Variants in C1orf35 observed in about 807,000 individuals in gnomAD.
The protein encoded by C1orf35 is chromosome 1 open reading frame 35, also known as multiple myeloma tumor-associated protein 2.
C1orf35 carries 36 observed loss-of-function variants against 30.9 expected under a neutral mutation model. That is an observed-to-expected ratio of 1.16 (90% confidence interval 0.89 to 1.54). C1orf35 has a LOEUF of 1.54. Ranked by LOEUF, C1orf35 falls within the 40% of genes most tolerant of loss-of-function variation. C1orf35 has a pLI of 0.00. For missense variants in C1orf35, 396 were observed against 358.7 expected (o/e 1.10, Z -0.84); for synonymous variants, 179 against 148.2 (o/e 1.21, Z -1.51).
In C1orf35 at chr1:228,103,149, G is replaced by T; in HGVS notation, c.79C>A (p.Arg27=). 6.2e-7 allele frequency: 1 copy of T among 1,611,286 alleles called. No homozygotes were observed. The highest frequency in any genetic ancestry group is 8.5e-7 in the Non-Finnish European group (1 of 1,179,298). Reference sequence around the variant, plus strand: ...GCGCACCCACCCAGGTAGTTCTCCCGCTGCTTGTCAGTCTTCACGTCCTCC... The same window carrying T: ...GCGCACCCACCCAGGTAGTTCTCCCTCTGCTTGTCAGTCTTCACGTCCTCC... ...NWEDVKTDKQ[R]ENYLGNSLMA... Residue 27 remains arginine (R), a synonymous_variant, in exon 1 of 8, where the codon CGG becomes AGG. Transcript: ENST00000272139.
At chr1:228,101,664 A>G (rs2032949705) in intron 6 of C1orf35, 191 bp from the exon 7 acceptor site, 1 of 1,444,748 alleles carries the variant, frequency 6.9e-7, no homozygotes, top group Non-Finnish European at 9.1e-7. Flanking sequence ...AAACAGATGC[A>G]ATATCCCCAT....
intron 1 of C1orf35, 26 bp from the exon 2 acceptor site, chr1:228,103,075 A>G (rs751775645): frequency 2.5e-6 from 4 of 1,605,614 alleles, no homozygotes; most frequent in Non-Finnish European, 2.5e-6. Flanking sequence ...CTGTGAGTCC[A>G]GCGCCCGCCC....
At chr1:228,101,646 T>G in intron 6 of C1orf35, 173 bp from the exon 7 acceptor site, 1 of 1,464,380 alleles carries the variant, frequency 6.8e-7, no homozygotes, top group Non-Finnish European at 9.0e-7. Context: ...AGTGGCTACG[T>G]GGGTTAGAAA....
chr1:228,102,304 G>A lies in C1orf35; in HGVS notation c.447+6C>T. ...CCTGCTGCGGTCAGGCGGGGCGGGG[G>A]ATTACCGTGAACACAGACAGCCCCA... On this transcript the variant is annotated splice_donor_region_variant and intron_variant, in intron 5 of 7. Transcript: ENST00000272139. 3.7e-6 allele frequency: 6 copies of A among 1,610,842 alleles called. No individual in the cohort carries two copies. Among genetic ancestry groups the A allele is most frequent in the African/African-American group, 1.3e-5 (1 of 74,970 alleles).
chr1:228,101,204 C>T lies in C1orf35; in HGVS notation c.719G>A (p.Arg240Lys), dbSNP rs770255929. The T allele has an allele frequency of 1.5e-5, 24 of 1,614,198 alleles. No individual in the cohort carries two copies. Among genetic ancestry groups the T allele is most frequent in the Non-Finnish European group, 1.9e-5 (23 of 1,180,048 alleles). The change falls in exon 8 of 8, where the codon AGG becomes AAG. Residue 240 changes from arginine to lysine, a missense_variant. Coordinates refer to ENST00000272139, the MANE Select transcript of C1orf35 (RefSeq NM_024319.4). ...GTCCCCACTGTGTCCCCGCTTCCTCCTCTTACAGCAGGGGGAGTTGGAGTC... is the reference window on the plus strand; with the variant it reads ...GTCCCCACTGTGTCCCCGCTTCCTCTTCTTACAGCAGGGGGAGTTGGAGTC... ...DSDSNSPCCK[R>K]RKRGHSGDRR...
intron 6 of C1orf35, 40 bp from the exon 7 acceptor site, chr1:228,101,513 T>A: frequency 6.2e-7 from 1 of 1,605,950 alleles, no homozygotes; most frequent in African/African-American, 1.3e-5. Flanking sequence ...ACCCTAGTCT[T>A]GCAAGCCAAG....
In C1orf35 at chr1:228,102,508, A is replaced by G; in HGVS notation, c.344T>C (p.Val115Ala). Residue 115 changes from valine (V) to alanine (A), a missense_variant, in exon 4 of 8, where the codon GTG becomes GCG. Transcript: ENST00000272139. Reference protein sequence around the residue: ...REGGDPEEKGVDRLLGLGSAS... With the variant: ...REGGDPEEKGADRLLGLGSAS... ...GCTCCCCAGCCCCAGCAGCCGGTCCACGCCCTTCTCCTCGGGGTCGCCTCC... is the reference window on the plus strand; with the variant it reads ...GCTCCCCAGCCCCAGCAGCCGGTCCGCGCCCTTCTCCTCGGGGTCGCCTCC... 1 of 1,558,004 alleles carries G rather than the reference A, an allele frequency of 6.4e-7. No homozygotes were observed. The highest frequency in any genetic ancestry group is 1.2e-5 in the South Asian group (1 of 85,312).
intron 6 of C1orf35, 33 bp from the exon 7 acceptor site, chr1:228,101,506 C>T (rs2032945988): frequency 6.2e-7 from 1 of 1,607,360 alleles, no homozygotes; most frequent in Admixed American, 1.7e-5. Flanking sequence ...GCCTCAGACC[C>T]TAGTCTTGCA....
Position 228,101,133 on chromosome 1 carries a change from A to G in C1orf35, c.790T>C (p.Ter264ArgextTer51), listed in dbSNP as rs770334044. 5 of 1,613,036 alleles carry G rather than the reference A, an allele frequency of 3.1e-6. No individual in the cohort carries two copies. Among genetic ancestry groups the G allele is most frequent in the Non-Finnish European group, 3.4e-6 (4 of 1,180,054 alleles). ...CAGCAGTGAGCAGGGTCCAGCCATC[A>G]GGCCTCAGAGCCTCTGTCATGCCAC... is the stretch of plus-strand genomic sequence containing the variant. ...RRWHDRGSEA* is the reference protein window; with the variant it reads ...RRWHDRGSEAR Residue 264 changes from the stop codon to arginine, a stop_lost, in exon 8 of 8, where the codon TGA (stop) becomes CGA (arginine). Transcript: ENST00000272139.
At chr1:228,101,943 C>T (rs2032976462) in intron 6 of C1orf35, 137 bp downstream of exon 6, 2 of 1,426,718 alleles carry the variant, frequency 1.4e-6, no homozygotes, top group African/African-American at 2.9e-5. Context: ...GTAACTGGGA[C>T]AGGAAGTAAA....
Position 228,103,186 on chromosome 1 carries a change from G to T in C1orf35, c.42C>A (p.Asp14Glu). Residue 14 changes from aspartate to glutamate, a missense_variant, in exon 1 of 8, where the codon GAC (aspartate) becomes GAA (glutamate). Transcript: ENST00000272139. ...SSRGGVRGGQ[D>E]QFNWEDVKTD... The stretch of plus-strand genomic sequence containing the variant: ...TCTTCACGTCCTCCCAGTTGAACTG[G>T]TCCTGCCCGCCGCGCACGCCTCCAC... 6.2e-7 allele frequency: 1 copy of T among 1,611,938 alleles called. No homozygotes were observed. The highest frequency in any genetic ancestry group is 8.5e-7 in the Non-Finnish European group (1 of 1,179,526).
rs537899957 is a variant in C1orf35 at position 228,103,239 on chromosome 1, G to C, written c.-12C>G. On this transcript the variant is annotated 5_prime_UTR_variant, in exon 1 of 8. Coordinates refer to ENST00000272139, the MANE Select transcript of C1orf35 (RefSeq NM_024319.4). ...CTGGAGCCGAACATGGCGCCGGGAA[G>C]GCAGTTGCCTGGGGCCTGCGGCTTG... The C allele has an allele frequency of 6.2e-7, 1 of 1,608,750 alleles. No individual in the cohort carries two copies. Among genetic ancestry groups the C allele is most frequent in the Non-Finnish European group, 8.5e-7 (1 of 1,178,604 alleles).
At position 228,102,514 on chromosome 1, in the gene C1orf35, T is replaced by C. The variant is rs1472802934; in HGVS notation, c.338A>G (p.Lys113Arg). 7 of 1,558,258 alleles carry C rather than the reference T, an allele frequency of 4.5e-6. No homozygotes were observed. The highest frequency in any genetic ancestry group is 5.2e-6 in the Non-Finnish European group (6 of 1,154,860). Residue 113 changes from lysine (K) to arginine (R), a missense_variant, in exon 4 of 8, where the codon AAG becomes AGG. Coordinates refer to ENST00000272139, the MANE Select transcript of C1orf35 (RefSeq NM_024319.4). ...CKREGGDPEE[K>R]GVDRLLGLGS... Reference sequence around the variant, plus strand: ...CAGCCCCAGCAGCCGGTCCACGCCCTTCTCCTCGGGGTCGCCTCCTTCCCG... The same window carrying C: ...CAGCCCCAGCAGCCGGTCCACGCCCCTCTCCTCGGGGTCGCCTCCTTCCCG...
At chr1:228,103,109 G>GAGCCCGC in intron 1 of C1orf35, 25 bp downstream of exon 1, 1 of 1,608,708 alleles carries the variant, frequency 6.2e-7, no homozygotes. Context: ...CCGGAGCCCG[G>GAGCCCGC]AGCCCGCCCA....
chr1:228,102,046 C>CG (rs2032980638), intron 6 of C1orf35, 34 bp downstream of exon 6: 1 of 1,511,310 alleles, frequency 6.6e-7, no homozygotes, highest in African/African-American at 1.4e-5. Flanking sequence ...CCCCCCACCC[C>CG]GGGGCACAGC....
rs1325764132 is a variant in C1orf35, at chr1:228,102,700, C to A, written c.246-12G>T. The A allele has an allele frequency of 3.1e-6, 5 of 1,604,120 alleles. No homozygotes were observed. In the East Asian group the frequency reaches 1.1e-4, roughly 36 times the overall value. ...CGTTCTTGTAGCCACTGCGAGAGGG[C>A]CGGGGCAGGCGTCAGGACGGACGGA... On this transcript the variant is annotated splice_polypyrimidine_tract_variant and intron_variant, in intron 2 of 7. Coordinates refer to ENST00000272139, the MANE Select transcript of C1orf35 (RefSeq NM_024319.4).
intron 5 of C1orf35, 39 bp downstream of exon 5, chr1:228,102,271 T>A (rs779475958): frequency 6.2e-7 from 1 of 1,601,974 alleles, no homozygotes; most frequent in Non-Finnish European, 8.5e-7. Flanking sequence ...GCCCCACCCC[T>A]GTTAGCCCCT....
At chr1:228,103,083 C>CCCGGGATCCCGGAGCCCGGAG (rs2033020552) in intron 1 of C1orf35, 34 bp from the exon 2 acceptor site, 1 of 1,605,570 alleles carries the variant, frequency 6.2e-7, no homozygotes, top group Non-Finnish European at 8.5e-7. Flanking sequence ...CCAGCGCCCG[C>CCCGGGATCCCGGAGCCCGGAG]CCGGGATCCC....
In C1orf35 at chr1:228,102,632, C is replaced by T. The variant is rs760706045; in HGVS notation, c.291+11G>A. On this transcript the variant is annotated intron_variant, in intron 3 of 7. Transcript: ENST00000272139. Reference sequence around the variant, plus strand: ...ACGGCCCTCCACGCGCCCCCCACCCCGGGGAGTTACCTCCTTGCTCAGGCC... The same window carrying T: ...ACGGCCCTCCACGCGCCCCCCACCCTGGGGAGTTACCTCCTTGCTCAGGCC... The T allele has an allele frequency of 6.2e-7, 1 of 1,601,144 alleles. No individual in the cohort carries two copies. Among genetic ancestry groups the T allele is most frequent in the Non-Finnish European group, 8.5e-7 (1 of 1,175,746 alleles).
Sources: allele counts gnomAD v4.1 joint callset, GRCh38; gene constraint gnomAD v4.1.1; transcripts MANE v1.5; gene names NCBI Gene and HGNC (gene_info 2026-07-23, HGNC 2026-07-21).